The following PPL variants were observed in gnomAD, a reference collection of about 807,000 sequenced individuals.
PPL encodes 190 kDa paraneoplastic pemphigus antigen.
Under a neutral mutation model 194.4 loss-of-function variants are expected in PPL, and 198 were observed. The ratio of observed to expected loss-of-function variants is 1.02; its 90% CI spans 0.91 to 1.15. The LOEUF is 1.15. Among genes scored for constraint, PPL ranks in the 50% most tolerant of loss-of-function variants. PPL has a pLI of 0.00. For missense variants in PPL, 2,885 were observed against 2,294.8 expected, an observed-to-expected ratio of 1.26 and a Z score of -5.25; for synonymous variants, 1,220 against 972.4, an observed-to-expected ratio of 1.25 and a Z score of -4.74.
chr16:4,912,367 G>T (rs2088835777), intron 1 of PPL, among the ~76,000 whole-genome samples: 2 of 152,238 alleles, frequency 1.3e-5, no homozygotes, highest in Non-Finnish European at 2.9e-5. Flanking sequence ...GCATATTGCA[G>T]CATCTATTAG....
chr16:4,931,171 G>A (rs1485342839), intron 1 of PPL, among the ~76,000 whole-genome samples: 1 of 152,152 alleles, frequency 6.6e-6, no homozygotes, highest in Middle Eastern at 3.2e-3. Flanking sequence ...CAGGACCAGA[G>A]TGGGCAATAT....
chr16:4,901,961 T>TAAATA (rs200353637), intron 4 of PPL, among the ~76,000 whole-genome samples: 1 of 43,816 alleles, frequency 2.3e-5, no homozygotes. Flanking sequence ...AATAAATAAA[T>TAAATA]AAATAAATAA....
In PPL at chr16:4,924,731, C is replaced by G. The variant is rs189166253; in HGVS notation, c.62+12253G>C. Among the ~76,000 whole-genome samples, 262 of 152,328 alleles carry G rather than the reference C, an allele frequency of 1.7e-3. 2 individuals are homozygous for G. The highest frequency in any genetic ancestry group is 2.8e-3 in the Non-Finnish European group (193 of 68,026). On this transcript the variant is annotated intron_variant, in intron 1 of 21. Transcript: ENST00000345988. Reference sequence around the variant, plus strand: ...TGGCACGAAGACCGCAGCAAGACACCCTTCCCCAGGTCCCCAGAGCCCCTG... The same window carrying G: ...TGGCACGAAGACCGCAGCAAGACACGCTTCCCCAGGTCCCCAGAGCCCCTG...
At position 4,902,341 on chromosome 16, in the gene PPL, C is replaced by T; in HGVS notation, c.438+65G>A. 1 of 1,595,998 alleles carries T rather than the reference C, an allele frequency of 6.3e-7. No individual in the cohort carries two copies. The highest frequency in any genetic ancestry group is 8.5e-7 in the Non-Finnish European group (1 of 1,170,590). On this transcript the variant is annotated intron_variant, in intron 4 of 21. Transcript: ENST00000345988. The surrounding 1 kb of genome is among the most constrained non-coding windows in gnomAD (Gnocchi z 4.0). ...ATGCCCATTACATGGGTAGGCTCTC[C>T]CTGCACACGCACAGCCCCCTCCCCA...
rs1459077401 is a variant in PPL at position 4,903,891 on chromosome 16, G to A, written c.312C>T (p.Ala104=). 10 of 1,613,820 alleles carry A rather than the reference G, an allele frequency of 6.2e-6. No individual in the cohort carries two copies. The highest frequency in any genetic ancestry group is 4.5e-5 in the East Asian group (2 of 44,880). ...AAGAAGCAGAAGGGACCTACTCCTCGGCGATCATGTCCCCCTGTGGGTGCT... is the reference window on the plus strand; with the variant it reads ...AAGAAGCAGAAGGGACCTACTCCTCAGCGATCATGTCCCCCTGTGGGTGCT... ...HMKHPQGDMI[A]EDIRQLKERV... is the part of the protein sequence containing the mutation. Residue 104 remains alanine, a synonymous_variant, in exon 3 of 22, where the codon GCC becomes GCT. Transcript: ENST00000345988.
chr16:4,893,574 G>C lies in PPL; in HGVS notation c.1459C>G (p.Arg487Gly). The C allele has an allele frequency of 1.2e-6, 2 of 1,611,996 alleles. No individual in the cohort carries two copies. Among genetic ancestry groups the C allele is most frequent in the Non-Finnish European group, 8.5e-7 (1 of 1,179,752 alleles). Residue 487 changes from arginine to glycine, a missense_variant, in exon 13 of 22, where the codon CGG becomes GGG. By Grantham distance (125) the Arg-to-Gly change is moderately radical. Transcript: ENST00000345988. ...TTCTCGGTCTTCAGCACCTCATACC[G>C]CTGCTGCAGCGTGCGTTTGCTCCCA... ...AAGSKRTLQQRYEVLKTENPG... is the reference protein window; with the variant it reads ...AAGSKRTLQQGYEVLKTENPG...
At position 4,885,461 on chromosome 16, in the gene PPL, T is replaced by G. The variant is rs2088199420; in HGVS notation, c.3194A>C (p.Gln1065Pro). ...KEVVKLQNDP[Q>P]LEAEYQQLQE... is the part of the protein sequence containing the mutation. ...CAGCTGCTGGTACTCTGCCTCCAGC[T>G]GGGGGTCATTCTGCAGTTTCACCAC... The change falls in exon 22 of 22, where the codon CAG becomes CCG. Residue 1065 changes from glutamine to proline, a missense_variant. Coordinates refer to ENST00000345988, the MANE Select transcript of PPL (RefSeq NM_002705.5). The surrounding 1 kb of genome is among the most constrained non-coding windows in gnomAD (Gnocchi z 6.3). The G allele has an allele frequency of 5.6e-6, 9 of 1,612,284 alleles. No homozygotes were observed. The highest frequency in any genetic ancestry group is 1.3e-5 in the African/African-American group (1 of 74,818).
At chr16:4,899,634 T>C (rs1460646604) in intron 6 of PPL, among the ~76,000 whole-genome samples, 1 of 152,188 alleles carries the variant, frequency 6.6e-6, no homozygotes, top group Non-Finnish European at 1.5e-5. Flanking sequence ...TACTACATGC[T>C]GGACATGGCT....
chr16:4,895,879 A>G (rs1020514135), intron 9 of PPL, among the ~76,000 whole-genome samples, 163 bp from the exon 10 acceptor site: 7 of 152,182 alleles, frequency 4.6e-5, no homozygotes, highest in Admixed American at 2.0e-4. Context: ...GCGTGGAGAC[A>G]GCCCCACCCT....
rs147379842 is a variant in PPL at position 4,884,063 on chromosome 16, C to T, written c.4592G>A (p.Arg1531His). The T allele has an allele frequency of 8.1e-6, 13 of 1,613,120 alleles. No individual in the cohort carries two copies. The highest frequency in any genetic ancestry group is 6.7e-5 in the East Asian group (3 of 44,892). Reference sequence around the variant, plus strand: ...CCGGCTCACCTCGACGTCCAGCTCGCGCTTGCTGCGGCTCTCCTCCTCCAG... The same window carrying T: ...CCGGCTCACCTCGACGTCCAGCTCGTGCTTGCTGCGGCTCTCCTCCTCCAG... ...SSLEEESRSK[R>H]ELDVEVSRLE... is the part of the protein sequence containing the mutation. The change falls in exon 22 of 22, where the codon CGC (arginine) becomes CAC (histidine). Residue 1531 changes from arginine to histidine, a missense_variant. Transcript: ENST00000345988. This position sits in a 1 kb window ranked among gnomAD's most constrained non-coding sequence, Gnocchi z 5.7.
Position 4,885,053 on chromosome 16 carries a change from T to C in PPL, c.3602A>G (p.Lys1201Arg). 6.2e-7 allele frequency: 1 copy of C among 1,613,704 alleles called. No homozygotes were observed. Among genetic ancestry groups the C allele is most frequent in the Non-Finnish European group, 8.5e-7 (1 of 1,180,030 alleles). ...LRLELVEQER[K>R]YRGAEEQLRS... Reference sequence around the variant, plus strand: ...GAGCTGCTCCTCGGCACCCCGGTACTTTCGCTCCTGCTCCACAAGCTCCAG... The same window carrying C: ...GAGCTGCTCCTCGGCACCCCGGTACCTTCGCTCCTGCTCCACAAGCTCCAG... Residue 1201 changes from lysine (K) to arginine (R), a missense_variant, in exon 22 of 22, where the codon AAG (lysine) becomes AGG (arginine). By Grantham distance (26) the Lys-to-Arg change is conservative. Transcript: ENST00000345988. The surrounding 1 kb of genome is among the most constrained non-coding windows in gnomAD (Gnocchi z 6.3).
intron 1 of PPL, among the ~76,000 whole-genome samples, chr16:4,918,206 T>C (rs1029512949): frequency 6.6e-6 from 1 of 151,700 alleles, no homozygotes; most frequent in African/African-American, 2.4e-5. Context: ...GGTGGAAGAA[T>C]TGCTTGAACC....
rs8063727 is a variant in PPL at position 4,893,304 on chromosome 16, C to T, written c.1559G>A (p.Arg520Gln). 1.5e-3 allele frequency: 2,469 copies of T among 1,607,106 alleles called. 45 individuals are homozygous for T. In the African/African-American group the frequency reaches 0.029, roughly 19 times the overall value. The stretch of plus-strand genomic sequence containing the variant: ...GATCCCTGTGATGGCCTTCTCCTGC[C>T]GGTCCAGGTCGCTGGCCACCTTGTC... ...GLDKVASDLD[R>Q]QEKAITGILR... The change falls in exon 14 of 22, where the codon CGG (arginine) becomes CAG (glutamine). Residue 520 changes from arginine to glutamine, a missense_variant. Transcript: ENST00000345988.
Position 4,892,111 on chromosome 16 carries a change from G to C in PPL, c.1753C>G (p.Leu585Val). 6.2e-7 allele frequency: 1 copy of C among 1,613,788 alleles called. No individual in the cohort carries two copies. The highest frequency in any genetic ancestry group is 8.5e-7 in the Non-Finnish European group (1 of 1,180,014). The change falls in exon 15 of 22, where the codon CTG becomes GTG. Residue 585 changes from leucine to valine, a missense_variant. By Grantham distance (32) the Leu-to-Val change is conservative. Coordinates refer to ENST00000345988, the MANE Select transcript of PPL (RefSeq NM_002705.5). ...QALPGSGTTP[L>V]LRTRVEDTNR... ...GTGTCCTCCACCCGGGTCCTCAGCA[G>C]GGGTGTGGTGCCACTGCCTGGGAGG...
At position 4,884,519 on chromosome 16, in the gene PPL, A is replaced by C; in HGVS notation, c.4136T>G (p.Leu1379Arg). Reference sequence around the variant, plus strand: ...TGCCCGCAGCTTGTCAATCTGCCGCAGCTCCACATCGATGCTCTCGGCAAA... The same window carrying C: ...TGCCCGCAGCTTGTCAATCTGCCGCCGCTCCACATCGATGCTCTCGGCAAA... The part of the protein sequence containing the change: ...SAFAESIDVE[L>R]RQIDKLRAEL... The change falls in exon 22 of 22, where the codon CTG (leucine) becomes CGG (arginine). Residue 1379 changes from leucine to arginine, a missense_variant. Leu to Arg is a moderately radical substitution (Grantham distance 102, BLOSUM62 -2). Transcript: ENST00000345988. This position sits in a 1 kb window ranked among gnomAD's most constrained non-coding sequence, Gnocchi z 5.7. The C allele has an allele frequency of 3.7e-6, 6 of 1,610,714 alleles. No homozygotes were observed. The highest frequency in any genetic ancestry group is 5.1e-6 in the Non-Finnish European group (6 of 1,179,382).
intron 11 of PPL, 58 bp downstream of exon 11, chr16:4,895,203 A>G: frequency 6.6e-7 from 1 of 1,516,618 alleles, no homozygotes; most frequent in South Asian, 1.3e-5. Context: ...CCCGGGATCC[A>G]ACCATGTTAC....
rs2088555917 is a variant in PPL at position 4,901,026 on chromosome 16, G to A, written c.502C>T (p.His168Tyr). 8 of 1,614,178 alleles carry A rather than the reference G, an allele frequency of 5.0e-6. No individual in the cohort carries two copies. Among genetic ancestry groups the A allele is most frequent in the Non-Finnish European group, 6.8e-6 (8 of 1,180,024 alleles). ...LPLVDHQVEE[H>Y]NIFHNEVKAI... Reference sequence around the variant, plus strand: ...TTGACCTCATTGTGGAAGATGTTATGCTCCTCCACTTGGTGGTCCACCAGC... The same window carrying A: ...TTGACCTCATTGTGGAAGATGTTATACTCCTCCACTTGGTGGTCCACCAGC... Residue 168 changes from histidine (H) to tyrosine (Y), a missense_variant, in exon 5 of 22, where the codon CAT (histidine) becomes TAT (tyrosine). Transcript: ENST00000345988.
chr16:4,893,204 CG>C lies in PPL; in HGVS notation c.1650+8del. On this transcript the variant is annotated splice_region_variant and intron_variant, in intron 14 of 21. Coordinates refer to ENST00000345988, the MANE Select transcript of PPL (RefSeq NM_002705.5). ...CCCGGCCCCACCTGTGCTCCTGACC[CG>C]CAGGTACCTTGAGGTCCTTGGCCCG... 6.5e-7 allele frequency: 1 copy of C among 1,546,610 alleles called. No individual in the cohort carries two copies. The highest frequency in any genetic ancestry group is 8.7e-7 in the Non-Finnish European group (1 of 1,148,736).
At chr16:4,887,313 C>A in intron 20 of PPL, 86 bp from the exon 21 acceptor site, 1 of 1,021,696 alleles carries the variant, frequency 9.8e-7, no homozygotes, top group South Asian at 1.3e-5. Flanking sequence ...GGACGTGGTT[C>A]TTGAGAAGTG....
Sources: allele counts gnomAD v4.1 joint callset (sites outside exome capture counted in the v4.1 genomes callset), GRCh38; gene constraint gnomAD v4.1.1; non-coding constraint Gnocchi (gnomAD v3.1); transcripts MANE v1.5; gene names NCBI Gene and HGNC (gene_info 2026-07-23, HGNC 2026-07-21).